LRBA: variants seen among roughly 807,000 people sequenced by gnomAD.
LRBA encodes LPS responsive beige-like anchor protein.
A neutral mutation model predicts 330.0 loss-of-function variants in LRBA; 176 were observed. The ratio of observed to expected loss-of-function variants is 0.53; its 90% CI spans 0.47 to 0.60. The LOEUF is 0.60. Ranked by LOEUF, LRBA falls within the 20% of genes least tolerant of loss-of-function variation. The pLI is 0.00. For missense variants in LRBA, 3,259 were observed against 3,444.8 expected (o/e 0.95, Z 1.35); for synonymous variants, 1,230 against 1,193.0 (o/e 1.03, Z -0.64).
At chr4:150,920,754 T>C (rs1343088892) in intron 5 of LRBA, among the ~76,000 whole-genome samples, 9 of 152,260 alleles carry the variant, frequency 5.9e-5, no homozygotes, top group African/African-American at 7.2e-5. Context: ...CCAACATAAT[T>C]TGGAAACTCA....
chr4:150,322,636 A>C (rs1441666099), intron 49 of LRBA, among the ~76,000 whole-genome samples: 1 of 152,224 alleles, frequency 6.6e-6, no homozygotes, highest in African/African-American at 2.4e-5. Context: ...ACTTAGAAAA[A>C]CATATTGCAC....
chr4:150,555,752 T>C (rs1581661281), intron 40 of LRBA, among the ~76,000 whole-genome samples: 1 of 103,532 alleles, frequency 9.7e-6, no homozygotes, highest in African/African-American at 3.7e-5. Flanking sequence ...CTCTGTCTTA[T>C]AAAAACACAC....
chr4:150,436,386 T>C (rs1751112887), intron 45 of LRBA, among the ~76,000 whole-genome samples: 1 of 152,174 alleles, frequency 6.6e-6, no homozygotes, highest in African/African-American at 2.4e-5. Flanking sequence ...GGGACAACCT[T>C]CCAAAATATA....
At chr4:150,548,477 CTCTACCAAAACAATAGGAAACTGAGGA>C (rs753941862) in intron 40 of LRBA, among the ~76,000 whole-genome samples, 338 of 152,216 alleles carry the variant, frequency 2.2e-3, no homozygotes, top group Non-Finnish European at 4.0e-3. Flanking sequence ...TGTCTACATA[CTCTACCAAAACAATAGGAAACTGAGGA>C]AGAGAAATGT....
At chr4:150,752,303 C>T (rs1409796172) in intron 35 of LRBA, among the ~76,000 whole-genome samples, 4 of 152,106 alleles carry the variant, frequency 2.6e-5, no homozygotes, top group Non-Finnish European at 4.4e-5. Flanking sequence ...TCACCCAGCA[C>T]ATCCAATAAT....
intron 29 of LRBA, among the ~76,000 whole-genome samples, chr4:150,830,268 G>C (rs1005890459): frequency 6.6e-6 from 1 of 152,222 alleles, no homozygotes; most frequent in East Asian, 1.9e-4. Context: ...CACGTTTTAA[G>C]GTCTGGCAGC....
intron 28 of LRBA, among the ~76,000 whole-genome samples, chr4:150,832,972 T>C (rs1304775057): frequency 6.6e-6 from 1 of 152,072 alleles, no homozygotes; most frequent in Non-Finnish European, 1.5e-5. Flanking sequence ...GACAGGGTCT[T>C]GTTATGTAGC....
chr4:150,411,223 T>C (rs2151945263), intron 47 of LRBA, among the ~76,000 whole-genome samples: 1 of 152,282 alleles, frequency 6.6e-6, no homozygotes, highest in East Asian at 1.9e-4. Context: ...CTTCTGTTCA[T>C]AAGCCCATCC....
chr4:150,526,385 T>C (rs760599875), intron 40 of LRBA, among the ~76,000 whole-genome samples: 5 of 152,176 alleles, frequency 3.3e-5, no homozygotes, highest in Non-Finnish European at 4.4e-5. Flanking sequence ...TGCATTCTTC[T>C]GTAACAGATG....
rs1235699174 is a variant in LRBA, at chr4:150,264,647, T to TAGAG, written c.*1071_*1074dup. ...CACTTGAAGTCTGTTGCAAGAGAAATAGAGATCAAAGTTCACAACATACAA... is the reference window on the plus strand; with the variant it reads ...CACTTGAAGTCTGTTGCAAGAGAAATAGAGAGAGATCAAAGTTCACAACATACAA... On this transcript the variant is annotated 3_prime_UTR_variant, in exon 57 of 57. Coordinates refer to ENST00000651943, the MANE Select transcript of LRBA (RefSeq NM_001364905.1). The TAGAG allele has an allele frequency of 3.3e-5, 5 of 152,542 alleles. No homozygotes were observed. The highest frequency in any genetic ancestry group is 7.2e-5 in the African/African-American group (3 of 41,406). 9.4% of individuals were successfully genotyped at this position (152,542 alleles called of 1,614,324 possible).
chr4:150,273,469 C>G (rs1428895514), intron 56 of LRBA, among the ~76,000 whole-genome samples: 2 of 152,146 alleles, frequency 1.3e-5, no homozygotes, highest in African/African-American at 2.4e-5. Flanking sequence ...ACAATATTAA[C>G]TTTAAATGTA....
chr4:150,980,740 TAG>T (rs752509662), intron 2 of LRBA, among the ~76,000 whole-genome samples: 2 of 152,124 alleles, frequency 1.3e-5, no homozygotes, highest in Non-Finnish European at 2.9e-5. Context: ...TGGAAAAACC[TAG>T]AGAGTCCACC....
At chr4:150,582,868 G>A in intron 40 of LRBA, 1 of 716,960 alleles carries the variant, frequency 1.4e-6, no homozygotes, top group Non-Finnish European at 2.2e-6. Flanking sequence ...GCCGGCTACG[G>A]TATCAGCCGG....
chr4:150,619,409 G>T (rs1463936779), intron 37 of LRBA, among the ~76,000 whole-genome samples: 1 of 152,098 alleles, frequency 6.6e-6, no homozygotes, highest in African/African-American at 2.4e-5. Context: ...CTTAACACCT[G>T]TTTAACTCCA....
At chr4:150,371,187 T>TC (rs1227422493) in intron 47 of LRBA, among the ~76,000 whole-genome samples, 3,090 of 125,278 alleles carry the variant, frequency 0.025, 149 homozygotes, top group African/African-American at 0.094. Context: ...ACTAAATTTT[T>TC]TTTTTTTTTT....
intron 36 of LRBA, 94 bp downstream of exon 36, chr4:150,735,164 T>C (rs994369937): frequency 4.5e-6 from 4 of 894,582 alleles, no homozygotes; most frequent in Admixed American, 1.8e-5. Context: ...ACATATACTA[T>C]GTTTCTTTGG....
chr4:150,570,678 T>C (rs1459845828), intron 40 of LRBA, among the ~76,000 whole-genome samples: 4 of 152,274 alleles, frequency 2.6e-5, no homozygotes, highest in Non-Finnish European at 5.9e-5. Flanking sequence ...AAATCTGTTG[T>C]AAGTTGGCTT....
Position 150,421,143 on chromosome 4 carries a change from T to C in LRBA, c.7042-5553A>G, listed in dbSNP as rs191388894. Among the ~76,000 whole-genome samples the C allele has an allele frequency of 2.8e-4, 29 of 104,858 alleles. 1 individual carries two copies. The highest frequency in any genetic ancestry group is 1.6e-3 in the South Asian group (6 of 3,736). The allele number at this position is 104,858 out of a possible 152,430, so 68.8% of individuals were successfully genotyped here. Reference sequence around the variant, plus strand: ...TAATATATATAAAGTATATATAATATACATTATATTATATATAAAGTATAT... The same window carrying C: ...TAATATATATAAAGTATATATAATACACATTATATTATATATAAAGTATAT... On this transcript the variant is annotated intron_variant, in intron 46 of 56. Coordinates refer to ENST00000651943, the MANE Select transcript of LRBA (RefSeq NM_001364905.1).
At chr4:151,002,738 G>A (rs72963649) in intron 2 of LRBA, among the ~76,000 whole-genome samples, 8,176 of 151,880 alleles carry the variant, frequency 0.054, 662 homozygotes, top group African/African-American at 0.18. Context: ...ATGGCCAGAT[G>A]CAGTGGCTCA....
Sources: gnomAD v4.1 joint callset for allele counts (sites outside exome capture counted in the v4.1 genomes callset) on GRCh38, gnomAD v4.1.1 for gene constraint, MANE v1.5 for transcripts, NCBI Gene and HGNC (gene_info 2026-07-23, HGNC 2026-07-21) for gene names.